The following TSGA10 variants were observed in gnomAD, a reference collection of about 807,000 sequenced individuals.
TSGA10 encodes the protein testis specific 10, also known as testis-specific gene 10 protein.
In TSGA10, 43 loss-of-function variants were observed where a neutral mutation model predicts 96.6. The observed-to-expected ratio is 0.44, with a 90% CI of 0.35 to 0.57. The LOEUF is 0.57. Among genes scored for constraint, TSGA10 ranks in the 20% least tolerant of loss-of-function variants. The pLI, the probability that TSGA10 is intolerant of heterozygous loss-of-function variation, is 0.01. For synonymous variants in TSGA10, 229 were observed against 269.9 expected (o/e 0.85, Z 1.48); for missense variants, 703 against 834.4 (o/e 0.84, Z 1.94).
intron 17 of TSGA10, among the ~76,000 whole-genome samples, chr2:99,034,580 T>C (rs1240778110): frequency 6.6e-6 from 1 of 152,120 alleles, no homozygotes; most frequent in Admixed American, 6.6e-5. Context: ...ACAAAGTACT[T>C]ATTATTCACT....
chr2:99,082,276 T>G (rs2087623161), intron 10 of TSGA10, among the ~76,000 whole-genome samples: 1 of 152,356 alleles, frequency 6.6e-6, no homozygotes, highest in East Asian at 1.9e-4. Context: ...TGCTTTTTTT[T>G]GTAACCATTT....
At chr2:99,066,978 T>C (rs2085328725) in intron 15 of TSGA10, among the ~76,000 whole-genome samples, 1 of 152,212 alleles carries the variant, frequency 6.6e-6, no homozygotes, top group Non-Finnish European at 1.5e-5. Context: ...TTCTTGACGT[T>C]TCCAAAATAA....
chr2:99,116,401 A>G (rs946369225), intron 4 of TSGA10, among the ~76,000 whole-genome samples: 9 of 152,212 alleles, frequency 5.9e-5, no homozygotes, highest in African/African-American at 2.2e-4. Flanking sequence ...AGCTACAGTA[A>G]CTAAAACAAT....
chr2:99,110,215 GT>G (rs1380289314), intron 5 of TSGA10, among the ~76,000 whole-genome samples: 1 of 152,158 alleles, frequency 6.6e-6, no homozygotes, highest in Non-Finnish European at 1.5e-5. Flanking sequence ...TAGCATCTAA[GT>G]TTTGTCCAAT....
intron 20 of TSGA10, among the ~76,000 whole-genome samples, chr2:99,012,060 T>C (rs1487397277): frequency 3.3e-5 from 5 of 152,216 alleles, no homozygotes; most frequent in Admixed American, 6.5e-5. Context: ...GCCAAGAATT[T>C]TGTATCCAGC....
At chr2:99,078,535 G>A (rs910576791) in intron 12 of TSGA10, 124 bp downstream of exon 12, 66 of 1,025,544 alleles carry the variant, frequency 6.4e-5, no homozygotes, top group Non-Finnish European at 8.4e-5. Flanking sequence ...TGAAGTTCCA[G>A]CTTCTAGAAA....
chr2:98,998,131 G>C lies in TSGA10; in HGVS notation c.*66C>G. 1 of 1,267,144 alleles carries C rather than the reference G, an allele frequency of 7.9e-7. No homozygotes were observed. Among genetic ancestry groups the C allele is most frequent in the Non-Finnish European group, 1.1e-6 (1 of 895,848 alleles). 78.5% of individuals were successfully genotyped at this position (1,267,144 alleles called of 1,614,324 possible). A position where few individuals can be genotyped will look rare whatever the true frequency, so the allele number is the denominator to read the frequency against. On this transcript the variant is annotated 3_prime_UTR_variant, in exon 21 of 21. Transcript: ENST00000393483. The stretch of plus-strand genomic sequence containing the variant: ...TTTAAAAGATAAATGCACTCATGTA[G>C]CAAAAAAAAAAAAATCAGTTTGTAA...
Position 99,018,191 on chromosome 2 carries a change from T to C in TSGA10, c.2072+9A>G, listed in dbSNP as rs2104935553. On this transcript the variant is annotated intron_variant, in intron 20 of 20. Coordinates refer to ENST00000393483, the MANE Select transcript of TSGA10 (RefSeq NM_025244.4). Reference sequence around the variant, plus strand: ...GATCTCAAGAGAATGGATCCTTAAATAGACTCACTCTTCTAATGATCGATC... The same window carrying C: ...GATCTCAAGAGAATGGATCCTTAAACAGACTCACTCTTCTAATGATCGATC... 1 of 1,613,922 alleles carries C rather than the reference T, an allele frequency of 6.2e-7. No homozygotes were observed. Among genetic ancestry groups the C allele is most frequent in the South Asian group, 1.1e-5 (1 of 91,040 alleles).
chr2:99,003,201 G>A (rs2078108148), intron 20 of TSGA10, among the ~76,000 whole-genome samples: 2 of 152,080 alleles, frequency 1.3e-5, no homozygotes, highest in Admixed American at 1.3e-4. Flanking sequence ...GACAAAGAAG[G>A]CCATTACATA....
intron 16 of TSGA10, among the ~76,000 whole-genome samples, chr2:99,057,602 C>T (rs2084154413): frequency 6.6e-6 from 1 of 152,056 alleles, no homozygotes; most frequent in African/African-American, 2.4e-5. Flanking sequence ...AATTAAAGAT[C>T]TAATAAACGA....
chr2:99,074,058 G>T (rs2086357680), intron 12 of TSGA10, among the ~76,000 whole-genome samples: 2 of 107,176 alleles, frequency 1.9e-5, no homozygotes, highest in Non-Finnish European at 3.5e-5. Flanking sequence ...TGATGCCCCG[G>T]CTGGAGTGCG....
intron 17 of TSGA10, among the ~76,000 whole-genome samples, chr2:99,023,666 T>A (rs997993435): frequency 6.6e-6 from 1 of 152,242 alleles, no homozygotes; most frequent in East Asian, 1.9e-4. Context: ...CCTCATTGAA[T>A]TGTCCTAGCA....
intron 4 of TSGA10, among the ~76,000 whole-genome samples, chr2:99,112,383 A>G (rs891284197): frequency 2.7e-4 from 41 of 152,246 alleles, no homozygotes; most frequent in African/African-American, 9.6e-4. Flanking sequence ...AGAGAGACAA[A>G]GATTTCTGCC....
intron 14 of TSGA10, among the ~76,000 whole-genome samples, chr2:99,071,212 T>C (rs1357502737): frequency 6.6e-6 from 1 of 152,066 alleles, no homozygotes; most frequent in African/African-American, 2.4e-5. Context: ...TTAAAATAAA[T>C]GTTATTGGAA....
At chr2:99,118,148 T>C (rs2092374925) in intron 3 of TSGA10, among the ~76,000 whole-genome samples, 1 of 151,992 alleles carries the variant, frequency 6.6e-6, no homozygotes, top group Non-Finnish European at 1.5e-5. Context: ...TTATTGTTAT[T>C]AAAATATATT....
intron 1 of TSGA10, among the ~76,000 whole-genome samples, chr2:99,144,111 C>T (rs536666220): frequency 6.6e-6 from 1 of 152,138 alleles, no homozygotes; most frequent in Non-Finnish European, 1.5e-5. Context: ...AGCTCTGCCT[C>T]GCGGCTTCAC....
chr2:99,037,621 G>C (rs2081765940), intron 16 of TSGA10, among the ~76,000 whole-genome samples: 2 of 152,120 alleles, frequency 1.3e-5, no homozygotes, highest in Admixed American at 1.3e-4. Context: ...GGCCGAGGCA[G>C]GTGGATCGCC....
chr2:99,004,493 A>G (rs961713254), intron 20 of TSGA10, among the ~76,000 whole-genome samples: 7 of 152,146 alleles, frequency 4.6e-5, no homozygotes, highest in Non-Finnish European at 8.8e-5. Flanking sequence ...ACAAACTACC[A>G]TCAGAGAATA....
intron 2 of TSGA10, among the ~76,000 whole-genome samples, chr2:99,120,737 T>C (rs1260121067): frequency 6.6e-6 from 1 of 152,114 alleles, no homozygotes; most frequent in Non-Finnish European, 1.5e-5. Context: ...TGCATGGTGT[T>C]CTATATGATT....
Sources: gnomAD v4.1 joint callset for allele counts (sites outside exome capture counted in the v4.1 genomes callset) on GRCh38, gnomAD v4.1.1 for gene constraint, MANE v1.5 for transcripts, NCBI Gene and HGNC (gene_info 2026-07-23, HGNC 2026-07-21) for gene names.